NLRP5: variants seen among roughly 807,000 people sequenced by gnomAD.
NLRP5 encodes NLR family pyrin domain containing 5, also known as NACHT, LRR and PYD domains-containing protein 5.
NLRP5 carries 93 observed loss-of-function variants against 113.1 expected under a neutral mutation model. That is an observed-to-expected ratio of 0.82 (90% CI 0.70 to 0.98). The LOEUF (loss-of-function observed/expected upper bound fraction) is 0.98. Ranked by LOEUF, NLRP5 falls within the 50% of genes least tolerant of loss-of-function variation. The probability of loss-of-function intolerance (pLI) is 0.00; values close to 1 mark genes in which losing one functional copy is unlikely to be tolerated. For synonymous variants in NLRP5, 751 were observed against 600.7 expected (o/e 1.25, Z -3.66); for missense variants, 1,808 against 1,514.3 (o/e 1.19, Z -3.22).
chr19:56,046,849 C>T (rs1049289498), intron 11 of NLRP5, among the ~76,000 whole-genome samples: 15 of 152,312 alleles, frequency 9.8e-5, no homozygotes, highest in South Asian at 4.1e-4. Flanking sequence ...CTTCTTTGAA[C>T]GTCTGGTAGA....
upstream of NLRP5, chr19:55,999,578 C>A: frequency 1.5e-6 from 1 of 664,268 alleles, no homozygotes; most frequent in Non-Finnish European, 2.7e-6. Flanking sequence ...GGTTCCCATG[C>A]ATGCTCTGTG....
intron 11 of NLRP5, among the ~76,000 whole-genome samples, chr19:56,041,307 T>C (rs1983514354): frequency 6.6e-6 from 1 of 152,164 alleles, no homozygotes; most frequent in African/African-American, 2.4e-5. Flanking sequence ...AGTCATTTGT[T>C]CAAGGACAGT....
chr19:56,052,409 C>T (rs1418563349), intron 12 of NLRP5, among the ~76,000 whole-genome samples: 1 of 152,160 alleles, frequency 6.6e-6, no homozygotes, highest in African/African-American at 2.4e-5. Context: ...GCTGGGATTA[C>T]AGGCACCTGC....
At chr19:56,055,804 C>G (rs577398580) in intron 13 of NLRP5, among the ~76,000 whole-genome samples, 38 of 152,004 alleles carry the variant, frequency 2.5e-4, no homozygotes, top group Non-Finnish European at 5.1e-4. Context: ...CTTGGCCTCC[C>G]AAAGTGCTGG....
chr19:56,037,608 G>C (rs973401562), intron 9 of NLRP5, among the ~76,000 whole-genome samples: 3 of 150,408 alleles, frequency 2.0e-5, no homozygotes, highest in African/African-American at 7.4e-5. Context: ...CAGGAGACTC[G>C]CTTCAATCCG....
At chr19:56,014,172 TTA>T (rs1982317204) in intron 3 of NLRP5, among the ~76,000 whole-genome samples, 1 of 152,092 alleles carries the variant, frequency 6.6e-6, no homozygotes, top group Non-Finnish European at 1.5e-5. Flanking sequence ...GCTTTTGGTG[TTA>T]TATCTTTAAA....
intron 6 of NLRP5, among the ~76,000 whole-genome samples, chr19:56,025,983 G>T (rs572310660): frequency 3.3e-5 from 5 of 152,080 alleles, no homozygotes; most frequent in African/African-American, 1.2e-4. Context: ...AGATTCTACG[G>T]GGGGAGACCA....
intron 4 of NLRP5, among the ~76,000 whole-genome samples, chr19:56,016,239 C>T (rs920464858): frequency 3.3e-5 from 5 of 151,920 alleles, no homozygotes; most frequent in Non-Finnish European, 5.9e-5. Context: ...CTGCCAGCTC[C>T]GCCTCCCGGG....
chr19:56,005,186 CATATTTTTATATACACATACACAT>C, intron 2 of NLRP5, among the ~76,000 whole-genome samples: 1 of 142,124 alleles, frequency 7.0e-6, no homozygotes, highest in African/African-American at 2.6e-5. Context: ...TATATACACA[CATATTTTTATATACACATACACAT>C]ACACACATAT....
At chr19:56,013,596 G>GGTTTTCTTTTTTTTTTTTTTTTTTT (rs1555765383) in intron 3 of NLRP5, among the ~76,000 whole-genome samples, 1 of 59,284 alleles carries the variant, frequency 1.7e-5, no homozygotes, top group Non-Finnish European at 2.9e-5. Context: ...GGACATTTGG[G>GGTTTTCTTTTTTTTTTTTTTTTTTT]TTTTTTTTTT....
chr19:56,037,374 G>A lies in NLRP5; in HGVS notation c.2616-651G>A, dbSNP rs891652174. Among the ~76,000 whole-genome samples the A allele has an allele frequency of 2.6e-5, 4 of 152,096 alleles. 1 individual carries two copies. Among genetic ancestry groups the A allele is most frequent in the East Asian group, 3.9e-4 (2 of 5,184 alleles). On this transcript the variant is annotated intron_variant, in intron 9 of 14. Transcript: ENST00000390649. ...ACATTCTAGGAAGGAAGACAGGCAG[G>A]AAACAAGCACTAACATAAGTATGTG...
the NLRP5 span, among the ~76,000 whole-genome samples, chr19:55,991,683 AATTT>A: frequency 0.06 from 9,181 of 152,220 alleles, 305 homozygotes; most frequent in Middle Eastern, 0.095. Flanking sequence ...AAAATTGAGT[AATTT>A]ATTAGGCATA....
Position 56,053,171 on chromosome 19 carries a change from G to A in NLRP5, c.3129-467G>A, listed in dbSNP as rs1174298596. Among the ~76,000 whole-genome samples, 7 of 152,040 alleles carry A rather than the reference G, an allele frequency of 4.6e-5. No individual in the cohort carries two copies. The East Asian group carries it at 7.8e-4, about 17-fold the overall frequency. On this transcript the variant is annotated intron_variant, in intron 12 of 14. Coordinates refer to ENST00000390649, the MANE Select transcript of NLRP5 (RefSeq NM_153447.4). ...AGCACTTTGAGAGGCCGAGGCAGGC[G>A]GATCACCTGAGGTCAGGAGTTTGAG...
At position 56,041,167 on chromosome 19, in the gene NLRP5, G is replaced by A. The variant is rs887127000; in HGVS notation, c.2957+75G>A. 3.7e-5 allele frequency: 53 copies of A among 1,443,344 alleles called. No individual in the cohort carries two copies. In the African/African-American group the frequency reaches 4.3e-4, roughly 12 times the overall value. The allele number at this position is 1,443,344 out of a possible 1,614,324, so 89.4% of individuals were successfully genotyped here. On this transcript the variant is annotated intron_variant, in intron 11 of 14. Transcript: ENST00000390649. ...CATGGTGTAGCTCTCAAAGCAGAAG[G>A]CAGTGGGGAGGGGGTGTGGACATCA...
At chr19:56,028,600 G>C in intron 7 of NLRP5, 91 bp downstream of exon 7, 1 of 1,249,072 alleles carries the variant, frequency 8.0e-7, no homozygotes, top group Non-Finnish European at 1.1e-6. Context: ...GAACTTCAAG[G>C]TCCCAGAGAA....
At chr19:55,996,356 ATCTTT>A (rs1229018095), upstream of NLRP5, among the ~76,000 whole-genome samples, 4 of 151,722 alleles carry the variant, frequency 2.6e-5, no homozygotes, top group East Asian at 1.9e-4. Context: ...TTCTTTGTTC[ATCTTT>A]TCTTTTATAC....
intron 11 of NLRP5, among the ~76,000 whole-genome samples, chr19:56,043,824 T>A (rs188629): frequency 4.0e-5 from 6 of 151,110 alleles, no homozygotes; most frequent in South Asian, 4.2e-4. Context: ...TGATTTGCCC[T>A]CCTCAGCCTC....
At chr19:56,007,847 C>T (rs1981983036) in intron 2 of NLRP5, among the ~76,000 whole-genome samples, 1 of 150,200 alleles carries the variant, frequency 6.7e-6, no homozygotes, top group Non-Finnish European at 1.5e-5. Context: ...ATGGAAGATG[C>T]TTCCAAAGTG....
intron 13 of NLRP5, among the ~76,000 whole-genome samples, chr19:56,055,598 T>G (rs551415786): frequency 1.5e-5 from 2 of 132,556 alleles, no homozygotes; most frequent in African/African-American, 5.6e-5. Flanking sequence ...CAGGCTGGAG[T>G]GCAGTGGCGC....
Sources: gnomAD v4.1 joint callset for allele counts (sites outside exome capture counted in the v4.1 genomes callset) on GRCh38, gnomAD v4.1.1 for gene constraint, MANE v1.5 for transcripts, NCBI Gene and HGNC (gene_info 2026-07-23, HGNC 2026-07-21) for gene names.